HSH2D: variants seen among roughly 807,000 people sequenced by gnomAD.
The protein encoded by HSH2D is hematopoietic SH2 domain-containing protein.
In HSH2D, 16 loss-of-function variants were observed where a neutral mutation model predicts 21.5. The observed-to-expected ratio is 0.74, with a 90% CI of 0.50 to 1.13. The LOEUF (loss-of-function observed/expected upper bound fraction) is 1.13. Among genes scored for constraint, HSH2D ranks in the 50% most tolerant of loss-of-function variants. The probability of loss-of-function intolerance (pLI) is 0.00; values close to 1 mark genes in which losing one functional copy is unlikely to be tolerated. For missense variants in HSH2D, 418 were observed against 441.4 expected (o/e 0.95, Z 0.47); for synonymous variants, 172 against 184.7 (o/e 0.93, Z 0.56).
At chr19:16,134,573 AGGTCG>A (rs755550617) in intron 1 of HSH2D, among the ~76,000 whole-genome samples, 128 of 151,530 alleles carry the variant, frequency 8.4e-4, no homozygotes, top group Middle Eastern at 6.8e-3. Context: ...GGCCAGACCC[AGGTCG>A]GTTTCACCTG....
intron 5 of HSH2D, among the ~76,000 whole-genome samples, chr19:16,156,190 A>G (rs2091233978): frequency 6.6e-6 from 1 of 152,038 alleles, no homozygotes; most frequent in Non-Finnish European, 1.5e-5. Context: ...CGTCTCCACA[A>G]AAAATAAAAA....
intron 1 of HSH2D, among the ~76,000 whole-genome samples, chr19:16,148,439 G>A (rs1188569014): frequency 6.6e-6 from 1 of 151,964 alleles, no homozygotes; most frequent in Non-Finnish European, 1.5e-5. Context: ...GTGAGCCACC[G>A]CACCTGGCCA....
upstream of HSH2D, among the ~76,000 whole-genome samples, chr19:16,138,962 A>G (rs2090981890): frequency 2.0e-5 from 3 of 152,008 alleles, no homozygotes; most frequent in South Asian, 6.2e-4. Context: ...AGTTCAAGCA[A>G]TTCTTCTGCC....
chr19:16,136,507 C>A (rs1023912380), intron 1 of HSH2D, among the ~76,000 whole-genome samples: 7 of 152,306 alleles, frequency 4.6e-5, no homozygotes, highest in East Asian at 1.9e-4. Context: ...GGCGGAATTT[C>A]TTTTCTAACA....
At chr19:16,154,593 G>A in intron 5 of HSH2D, 102 bp downstream of exon 5, 2 of 649,330 alleles carry the variant, frequency 3.1e-6, no homozygotes, top group Non-Finnish European at 2.7e-6. Flanking sequence ...ATGAGAATGC[G>A]ATCCTACAGC....
chr19:16,136,082 A>G (rs931376394), intron 1 of HSH2D, among the ~76,000 whole-genome samples: 2 of 152,130 alleles, frequency 1.3e-5, no homozygotes, highest in African/African-American at 2.4e-5. Flanking sequence ...TGACCATGCT[A>G]GAGGCCTGCC....
At chr19:16,138,182 C>T (rs906776190) in intron 1 of HSH2D, among the ~76,000 whole-genome samples, 5 of 152,100 alleles carry the variant, frequency 3.3e-5, no homozygotes, top group African/African-American at 9.7e-5. Flanking sequence ...CTGGACATTT[C>T]ATATCAATGG....
At chr19:16,142,709 C>T (rs747827521), upstream of HSH2D, among the ~76,000 whole-genome samples, 1 of 152,040 alleles carries the variant, frequency 6.6e-6, no homozygotes, top group Non-Finnish European at 1.5e-5. Flanking sequence ...ATGATCTGCC[C>T]ACCTTGGCCT....
chr19:16,145,230 T>A (rs2091052041), intron 1 of HSH2D, among the ~76,000 whole-genome samples: 1 of 151,834 alleles, frequency 6.6e-6, no homozygotes, highest in African/African-American at 2.4e-5. Context: ...TTATTTATTT[T>A]GAGATGGAGT....
rs116712839 is a variant in HSH2D, at chr19:16,153,737, A to G, written c.381+529A>G. ...GGCTCAGTGGGTGGCCTGGCTCCCAATAAACTGCTGTGGGCAGGGCATGTT... is the reference window on the plus strand; with the variant it reads ...GGCTCAGTGGGTGGCCTGGCTCCCAGTAAACTGCTGTGGGCAGGGCATGTT... On this transcript the variant is annotated intron_variant, in intron 4 of 5. Coordinates refer to ENST00000613986, the MANE Select transcript of HSH2D (RefSeq NM_001382417.1). Among the ~76,000 whole-genome samples, 210 of 149,700 alleles carry G rather than the reference A, an allele frequency of 1.4e-3. 2 individuals are homozygous for G. Among genetic ancestry groups the G allele is most frequent in the African/African-American group, 5.0e-3 (202 of 40,256 alleles).
intron 2 of HSH2D, among the ~76,000 whole-genome samples, chr19:16,150,813 G>A (rs2091138671): frequency 6.6e-6 from 1 of 152,126 alleles, no homozygotes; most frequent in Non-Finnish European, 1.5e-5. Context: ...AGTTATGATT[G>A]CATCTCTGCA....
chr19:16,138,133 G>T (rs1599405591), intron 1 of HSH2D, among the ~76,000 whole-genome samples: 5 of 152,300 alleles, frequency 3.3e-5, no homozygotes, highest in Middle Eastern at 3.4e-3. Context: ...CTCCCAAAGT[G>T]CTAGAATTAC....
At chr19:16,154,871 TAAAGCA>T in intron 5 of HSH2D, 4 of 186,150 alleles carry the variant, frequency 2.1e-5, no homozygotes, top group Non-Finnish European at 3.5e-5. Context: ...GCCCCAGACC[TAAAGCA>T]ACACCTTCTG....
intron 1 of HSH2D, among the ~76,000 whole-genome samples, chr19:16,135,073 C>A (rs1403933332): frequency 2.0e-5 from 3 of 149,596 alleles, no homozygotes; most frequent in Non-Finnish European, 4.5e-5. Context: ...GTTCAGAGTT[C>A]AAGACCAGCC....
chr19:16,134,286 G>A (rs980792256), intron 1 of HSH2D: 10 of 152,322 alleles, frequency 6.6e-5, no homozygotes, highest in Admixed American at 5.9e-4. Flanking sequence ...GTACCCAGGT[G>A]TTTATGGAGC....
At chr19:16,146,075 C>CAA (rs796457464) in intron 1 of HSH2D, among the ~76,000 whole-genome samples, 28 of 59,820 alleles carry the variant, frequency 4.7e-4, no homozygotes, top group African/African-American at 1.3e-3. Context: ...GATTCCATCT[C>CAA]AAAAAAAAAA....
At chr19:16,142,973 T>C (rs2091015007), upstream of HSH2D, among the ~76,000 whole-genome samples, 1 of 151,332 alleles carries the variant, frequency 6.6e-6, no homozygotes, top group Non-Finnish European at 1.5e-5. Context: ...TTTACCATGT[T>C]GGCCAGCCTG....
At chr19:16,141,925 A>C (rs2145016092), upstream of HSH2D, 1 of 152,140 alleles carries the variant, frequency 6.6e-6, no homozygotes, top group Admixed American at 6.6e-5. Context: ...TCCAAAAAAA[A>C]TATTTTTTTA....
chr19:16,144,394 G>A (rs1012996405), intron 1 of HSH2D, among the ~76,000 whole-genome samples: 1 of 151,730 alleles, frequency 6.6e-6, no homozygotes, highest in Non-Finnish European at 1.5e-5. Flanking sequence ...TGGAGGAGGG[G>A]ACATTTTTAC....
Sources: gnomAD v4.1 joint callset for allele counts (sites outside exome capture counted in the v4.1 genomes callset) on GRCh38, gnomAD v4.1.1 for gene constraint, MANE v1.5 for transcripts, NCBI Gene and HGNC (gene_info 2026-07-23, HGNC 2026-07-21) for gene names.